IGSF5: variants seen among roughly 807,000 people sequenced by gnomAD.
IGSF5 encodes the protein immunoglobulin superfamily member 5.
Under a neutral mutation model 39.4 loss-of-function variants are expected in IGSF5, and 41 were observed. The observed-to-expected ratio is 1.04, with a 90% CI of 0.81 to 1.35. IGSF5 has a LOEUF of 1.35. Ranked by LOEUF, IGSF5 falls within the 40% of genes most tolerant of loss-of-function variation. The probability of loss-of-function intolerance (pLI) is 0.00; values close to 1 mark genes in which losing one functional copy is unlikely to be tolerated. For synonymous variants in IGSF5, 183 were observed against 175.3 expected, an observed-to-expected ratio of 1.04 and a Z score of -0.34; for missense variants, 487 against 494.6, an observed-to-expected ratio of 0.98 and a Z score of 0.15.
At chr21:39,786,022 A>T (rs1414568035) in intron 5 of IGSF5, among the ~76,000 whole-genome samples, 1 of 152,234 alleles carries the variant, frequency 6.6e-6, no homozygotes, top group South Asian at 2.1e-4. Context: ...AAACCTAGGC[A>T]TTACCATTCA....
chr21:39,726,904 A>T, the IGSF5 span, among the ~76,000 whole-genome samples: 1 of 152,018 alleles, frequency 6.6e-6, no homozygotes, highest in Non-Finnish European at 1.5e-5. Context: ...CTTTGACCAC[A>T]TATGGATGAC....
In IGSF5 at chr21:39,755,884, A is replaced by T. The variant is rs1022399507; in HGVS notation, c.100+9586A>T. Among the ~76,000 whole-genome samples, 9 of 152,012 alleles carry T rather than the reference A, an allele frequency of 5.9e-5. 1 individual carries two copies. The highest frequency in any genetic ancestry group is 1.0e-4 in the Non-Finnish European group (7 of 67,992). ...TTTGGGAGGCCAAAGCAGGCGGATC[A>T]CCTGAGGTCAGGAGTTTGAGACCAG... On this transcript the variant is annotated intron_variant, in intron 2 of 8. Coordinates refer to ENST00000380588, the MANE Select transcript of IGSF5 (RefSeq NM_001080444.2).
chr21:39,716,027 CTG>C, the IGSF5 span, among the ~76,000 whole-genome samples: 17 of 152,344 alleles, frequency 1.1e-4, 1 homozygote, highest in Middle Eastern at 3.4e-3. Flanking sequence ...TCAATCCACA[CTG>C]ATAATTGTAG....
the IGSF5 span, among the ~76,000 whole-genome samples, chr21:39,723,478 G>A: frequency 3.3e-5 from 5 of 152,194 alleles, no homozygotes; most frequent in Non-Finnish European, 7.3e-5. Context: ...CAAGTCAGAA[G>A]TCCCAGCCCC....
intron 2 of IGSF5, among the ~76,000 whole-genome samples, chr21:39,747,920 G>C (rs2079983792): frequency 6.7e-6 from 1 of 149,588 alleles, no homozygotes; most frequent in African/African-American, 2.5e-5. Flanking sequence ...GAGAAACAGA[G>C]TGCACATGAA....
At chr21:39,797,836 G>A (rs939927753) in intron 8 of IGSF5, among the ~76,000 whole-genome samples, 3 of 152,118 alleles carry the variant, frequency 2.0e-5, no homozygotes, top group African/African-American at 7.2e-5. Flanking sequence ...TTCCTTTGCT[G>A]TTAATCCCAA....
the IGSF5 span, among the ~76,000 whole-genome samples, chr21:39,733,370 C>T: frequency 2.0e-5 from 3 of 151,984 alleles, no homozygotes; most frequent in African/African-American, 7.2e-5. Flanking sequence ...ATTATATATA[C>T]AAATTATATT....
intron 2 of IGSF5, among the ~76,000 whole-genome samples, chr21:39,760,211 T>G (rs774635017): frequency 6.6e-6 from 1 of 152,182 alleles, no homozygotes; most frequent in African/African-American, 2.4e-5. Context: ...TCAGCCACCA[T>G]GTTTATTCAC....
intron 5 of IGSF5, among the ~76,000 whole-genome samples, chr21:39,782,871 G>C (rs73217300): frequency 0.13 from 20,188 of 152,028 alleles, 1,773 homozygotes; most frequent in African/African-American, 0.24. Context: ...GCTGTCCCTA[G>C]CTTCCCCCGA....
the IGSF5 span, among the ~76,000 whole-genome samples, chr21:39,720,925 A>G: frequency 2.6e-5 from 4 of 152,354 alleles, no homozygotes; most frequent in South Asian, 8.3e-4. Context: ...AGATACTTCA[A>G]AACAAAACAA....
At chr21:39,744,721 G>C (rs1343485583), upstream of IGSF5, among the ~76,000 whole-genome samples, 4 of 152,202 alleles carry the variant, frequency 2.6e-5, no homozygotes, top group East Asian at 5.8e-4. Flanking sequence ...TAAGATTTTT[G>C]AGTTAGTAAG....
intron 8 of IGSF5, among the ~76,000 whole-genome samples, chr21:39,799,706 G>A (rs1188926630): frequency 1.3e-5 from 2 of 152,102 alleles, no homozygotes; most frequent in Non-Finnish European, 2.9e-5. Context: ...TGAATGCCAA[G>A]TGAAAGGTCT....
intron 2 of IGSF5, among the ~76,000 whole-genome samples, chr21:39,757,336 T>C (rs904318171): frequency 7.0e-6 from 1 of 143,116 alleles, no homozygotes; most frequent in Non-Finnish European, 1.5e-5. Context: ...GATTAGTGAT[T>C]GAAACGAATG....
intron 5 of IGSF5, among the ~76,000 whole-genome samples, chr21:39,786,730 T>C (rs913706406): frequency 1.3e-4 from 20 of 152,182 alleles, no homozygotes; most frequent in African/African-American, 4.8e-4. Flanking sequence ...AACGATAGAC[T>C]GGATTAAGAA....
chr21:39,727,098 G>T, the IGSF5 span, among the ~76,000 whole-genome samples: 2 of 151,980 alleles, frequency 1.3e-5, no homozygotes, highest in African/African-American at 4.8e-5. Context: ...CAGGACACAC[G>T]GGTCTGGAAA....
chr21:39,788,806 T>C (rs956658741), intron 6 of IGSF5, among the ~76,000 whole-genome samples: 1 of 152,228 alleles, frequency 6.6e-6, no homozygotes, highest in Non-Finnish European at 1.5e-5. Flanking sequence ...CATAGCCATA[T>C]GTGCACCAAG....
At chr21:39,800,512 G>A (rs929188140) in intron 8 of IGSF5, among the ~76,000 whole-genome samples, 3 of 152,232 alleles carry the variant, frequency 2.0e-5, no homozygotes, top group South Asian at 4.1e-4. Context: ...AGTTCCATCC[G>A]CTGTCCAGTT....
chr21:39,794,854 G>C (rs2086985909), intron 8 of IGSF5, among the ~76,000 whole-genome samples: 1 of 152,130 alleles, frequency 6.6e-6, no homozygotes, highest in South Asian at 2.1e-4. Context: ...GTATTTACCT[G>C]AGTTTCCAGG....
At chr21:39,716,868 A>C in the IGSF5 span, among the ~76,000 whole-genome samples, 1 of 152,202 alleles carries the variant, frequency 6.6e-6, no homozygotes, top group Non-Finnish European at 1.5e-5. Context: ...TTACCCATTA[A>C]TGGGATTGCT....
Sources: allele counts gnomAD v4.1 joint callset (sites outside exome capture counted in the v4.1 genomes callset), GRCh38; gene constraint gnomAD v4.1.1; transcripts MANE v1.5; gene names NCBI Gene and HGNC (gene_info 2026-07-23, HGNC 2026-07-21).